EEA1: variants seen among roughly 807,000 people sequenced by gnomAD.
EEA1 encodes the protein early endosome antigen 1.
EEA1 carries 111 observed loss-of-function variants against 209.2 expected under a neutral mutation model. The ratio of observed to expected loss-of-function variants is 0.53; its 90% CI spans 0.45 to 0.62. EEA1 has a LOEUF of 0.62. Among genes scored for constraint, EEA1 ranks in the 20% least tolerant of loss-of-function variants. EEA1 has a pLI of 0.00. For missense variants in EEA1, 1,343 were observed against 1,530.8 expected (o/e 0.88, Z 2.05); for synonymous variants, 536 against 540.6 (o/e 0.99, Z 0.12).
intron 2 of EEA1, among the ~76,000 whole-genome samples, chr12:92,866,075 C>T (rs939585166): frequency 1.3e-5 from 2 of 151,112 alleles, no homozygotes; most frequent in Admixed American, 1.3e-4. Flanking sequence ...ACGTGTAGTC[C>T]CAGCTACTCA....
intron 2 of EEA1, among the ~76,000 whole-genome samples, chr12:92,882,882 T>C (rs1056769004): frequency 2.0e-5 from 3 of 152,196 alleles, no homozygotes; most frequent in Admixed American, 2.0e-4. Context: ...GTAATGAACA[T>C]ACAAATGCGC....
chr12:92,857,083 A>T (rs1877914769), intron 5 of EEA1, among the ~76,000 whole-genome samples, 192 bp downstream of exon 5: 2 of 151,996 alleles, frequency 1.3e-5, no homozygotes, highest in Admixed American at 6.6e-5. Context: ...TTTTTAATGG[A>T]ACACCTTTTA....
chr12:92,848,651 C>A lies in EEA1; in HGVS notation c.798+2460G>T, dbSNP rs1277170411. Among the ~76,000 whole-genome samples, 3 of 143,640 alleles carry A rather than the reference C, an allele frequency of 2.1e-5. No individual in the cohort carries two copies. In the South Asian group the frequency reaches 6.6e-4, roughly 32 times the overall value. 94.2% of individuals were successfully genotyped at this position (143,640 alleles called of 152,430 possible). ...AAATATTACTTAGAAATGAGTAATTCTTAAATTAGAGTAACTCCTAAATGT... is the reference window on the plus strand; with the variant it reads ...AAATATTACTTAGAAATGAGTAATTATTAAATTAGAGTAACTCCTAAATGT... On this transcript the variant is annotated intron_variant, in intron 9 of 28. Coordinates refer to ENST00000322349, the MANE Select transcript of EEA1 (RefSeq NM_003566.4).
At chr12:92,844,670 G>A (rs962993604) in intron 9 of EEA1, among the ~76,000 whole-genome samples, 1 of 151,906 alleles carries the variant, frequency 6.6e-6, no homozygotes, top group Non-Finnish European at 1.5e-5. Flanking sequence ...GTAACAATTT[G>A]ACTATTTTAA....
intron 14 of EEA1, among the ~76,000 whole-genome samples, chr12:92,818,556 T>C (rs1240312042): frequency 1.3e-5 from 2 of 152,164 alleles, no homozygotes. Flanking sequence ...TCAAGTTGTA[T>C]ACAACTAAAA....
In EEA1 at chr12:92,810,655, A is replaced by T. The variant is rs566869596; in HGVS notation, c.2199+624T>A. On this transcript the variant is annotated intron_variant, in intron 17 of 28. Transcript: ENST00000322349. ...ACTGATAGTAGCTCAATTTTTAAAA[A>T]TTTTTTTTTTTTTTATTTTTAGCCA... 3.1e-3 allele frequency among the ~76,000 whole-genome samples: 457 copies of T among 146,736 alleles called. 1 individual carries two copies. Among genetic ancestry groups the T allele is most frequent in the South Asian group, 8.7e-3 (40 of 4,618 alleles).
intron 10 of EEA1, among the ~76,000 whole-genome samples, chr12:92,838,771 T>TATA (rs1421212413): frequency 6.6e-6 from 1 of 152,198 alleles, no homozygotes; most frequent in African/African-American, 2.4e-5. Context: ...TGTTCATAGC[T>TATA]ATAATATTTG....
At chr12:92,786,920 T>TA (rs1296970200) in intron 22 of EEA1, among the ~76,000 whole-genome samples, 1 of 152,206 alleles carries the variant, frequency 6.6e-6, no homozygotes, top group Non-Finnish European at 1.5e-5. Flanking sequence ...GCAAGGCAAT[T>TA]ATGTTAACTG....
intron 18 of EEA1, 34 bp downstream of exon 18, chr12:92,808,983 T>C: frequency 2.6e-6 from 4 of 1,546,586 alleles, no homozygotes; most frequent in Middle Eastern, 1.7e-4. Flanking sequence ...CACAATCTTT[T>C]CCCTTAATTT....
At chr12:92,784,046 A>T (rs1359574835) in intron 22 of EEA1, among the ~76,000 whole-genome samples, 1 of 152,220 alleles carries the variant, frequency 6.6e-6, no homozygotes, top group African/African-American at 2.4e-5. Flanking sequence ...CTTAATTTTC[A>T]ATGACTGCCA....
At chr12:92,893,718 T>C (rs1230668792) in intron 1 of EEA1, among the ~76,000 whole-genome samples, 1 of 152,160 alleles carries the variant, frequency 6.6e-6, no homozygotes, top group Non-Finnish European at 1.5e-5. Flanking sequence ...ACAGGAATCT[T>C]CATTTTTATT....
chr12:92,906,349 C>A (rs1428221120), intron 1 of EEA1, among the ~76,000 whole-genome samples: 3 of 152,078 alleles, frequency 2.0e-5, no homozygotes, highest in Non-Finnish European at 4.4e-5. Flanking sequence ...CTGCCTCAGC[C>A]TCTCAAAGGG....
At chr12:92,820,482 T>C (rs900124964) in intron 13 of EEA1, among the ~76,000 whole-genome samples, 3 of 152,088 alleles carry the variant, frequency 2.0e-5, no homozygotes, top group Non-Finnish European at 2.9e-5. Flanking sequence ...CTGCCACCGA[T>C]AGATAACTCC....
chr12:92,827,209 T>G lies in EEA1; in HGVS notation c.1404+703A>C, dbSNP rs548418127. On this transcript the variant is annotated intron_variant, in intron 12 of 28. Coordinates refer to ENST00000322349, the MANE Select transcript of EEA1 (RefSeq NM_003566.4). ...TGTCTCTACCAAAAAATATAAATATTAGCTGGGCGTAGTGGCGCACATCTG... is the reference window on the plus strand; with the variant it reads ...TGTCTCTACCAAAAAATATAAATATGAGCTGGGCGTAGTGGCGCACATCTG... 1.8e-3 allele frequency among the ~76,000 whole-genome samples: 272 copies of G among 152,080 alleles called. 1 individual carries two copies. Among genetic ancestry groups the G allele is most frequent in the African/African-American group, 6.3e-3 (263 of 41,480 alleles).
rs370138168 is a variant in EEA1, at chr12:92,871,177, A to G, written c.118-6190T>C. Reference sequence around the variant, plus strand: ...AAATTGATACAAAATATTAACTTAAATTTCTGTATTTATTTACAAATTCAC... The same window carrying G: ...AAATTGATACAAAATATTAACTTAAGTTTCTGTATTTATTTACAAATTCAC... On this transcript the variant is annotated intron_variant, in intron 2 of 28. Coordinates refer to ENST00000322349, the MANE Select transcript of EEA1 (RefSeq NM_003566.4). Among the ~76,000 whole-genome samples the G allele has an allele frequency of 2.6e-5, 4 of 152,212 alleles. No homozygotes were observed. In the East Asian group the frequency reaches 5.8e-4, roughly 22 times the overall value.
chr12:92,786,148 C>A (rs1874122557), intron 22 of EEA1, among the ~76,000 whole-genome samples: 2 of 152,126 alleles, frequency 1.3e-5, no homozygotes, highest in Admixed American at 1.3e-4. Context: ...CTTGCTATTA[C>A]CAGCCCACAC....
rs188643577 is a variant in EEA1, at chr12:92,811,614, T to C, written c.2044-180A>G. 2.4e-3 allele frequency among the ~76,000 whole-genome samples: 367 copies of C among 152,284 alleles called. 2 individuals are homozygous for C. Among genetic ancestry groups the C allele is most frequent in the African/African-American group, 8.2e-3 (339 of 41,588 alleles). ...ACCTACCAATATAAACGACATGAAC[T>C]AAATTCTTGCATAGTCTGAGATCCT... On this transcript the variant is annotated intron_variant, in intron 16 of 28. Coordinates refer to ENST00000322349, the MANE Select transcript of EEA1 (RefSeq NM_003566.4).
intron 1 of EEA1, among the ~76,000 whole-genome samples, chr12:92,913,962 T>C (rs1880671793): frequency 6.6e-6 from 1 of 152,222 alleles, no homozygotes; most frequent in South Asian, 2.1e-4. Flanking sequence ...TTTGAGGTCT[T>C]ACATCTAAGT....
chr12:92,802,323 A>C, intron 19 of EEA1, 81 bp downstream of exon 19: 1 of 1,292,552 alleles, frequency 7.7e-7, no homozygotes, highest in Non-Finnish European at 1.1e-6. Flanking sequence ...AGAAAAGCAA[A>C]CTGTGAATTA....
Sources: allele counts gnomAD v4.1 joint callset (sites outside exome capture counted in the v4.1 genomes callset), GRCh38; gene constraint gnomAD v4.1.1; transcripts MANE v1.5; gene names NCBI Gene and HGNC (gene_info 2026-07-23, HGNC 2026-07-21).